PLCB1: variants seen among roughly 807,000 people sequenced by gnomAD.
PLCB1 encodes the protein 1-phosphatidylinositol 4,5-bisphosphate phosphodiesterase beta-1.
Under a neutral mutation model 161.8 loss-of-function variants are expected in PLCB1, and 46 were observed. The ratio of observed to expected loss-of-function variants is 0.28; its 90% CI spans 0.22 to 0.36. The LOEUF is 0.36. Ranked by LOEUF, PLCB1 falls within the 10% of genes least tolerant of loss-of-function variation. The pLI, the probability that PLCB1 is intolerant of heterozygous loss-of-function variation, is 1.00. For synonymous variants in PLCB1, 517 were observed against 503.7 expected (o/e 1.03, Z -0.35); for missense variants, 1,016 against 1,472.5 (o/e 0.69, Z 5.07).
At chr20:8,793,614 G>A (rs1435306660) in intron 31 of PLCB1, among the ~76,000 whole-genome samples, 1 of 152,164 alleles carries the variant, frequency 6.6e-6, no homozygotes, top group Non-Finnish European at 1.5e-5. Flanking sequence ...GTGCAAATAG[G>A]TGTGGGTGAC....
intron 27 of PLCB1, among the ~76,000 whole-genome samples, chr20:8,779,507 CAAAAAAAAAAAAAAAA>C (rs373073139): frequency 2.9e-5 from 3 of 102,512 alleles, no homozygotes; most frequent in Admixed American, 1.1e-4. Context: ...CACTTTTGTG[CAAAAAAAAAAAAAAAA>C]AAAAAAAAAA....
intron 31 of PLCB1, among the ~76,000 whole-genome samples, chr20:8,858,127 C>T (rs1020852006): frequency 8.6e-5 from 13 of 151,870 alleles, no homozygotes; most frequent in Admixed American, 1.3e-4. Context: ...TACTTGAGGC[C>T]TATTTAGCCA....
Position 8,684,982 on chromosome 20 carries a change from G to C in PLCB1, c.913G>C (p.Gly305Arg). The change falls in exon 10 of 32, where the codon GGA (glycine) becomes CGA (arginine). Residue 305 changes from glycine to arginine, a missense_variant. Around this residue, in one of 10 missense-constraint regions of PLCB1, gnomAD observed 117 missense variants for 142.2 expected, o/e 0.82. Transcript: ENST00000338037. ...FMRYLSGEENGVVSPEKLDLN... is the reference protein window; with the variant it reads ...FMRYLSGEENRVVSPEKLDLN... ...GCGCTATCTGAGTGGAGAAGAAAACGGAGTCGTTTCACCTGAGAAACTGGA... is the reference window on the plus strand; with the variant it reads ...GCGCTATCTGAGTGGAGAAGAAAACCGAGTCGTTTCACCTGAGAAACTGGA... The C allele has an allele frequency of 6.2e-7, 1 of 1,613,524 alleles. No individual in the cohort carries two copies. Among genetic ancestry groups the C allele is most frequent in the Non-Finnish European group, 8.5e-7 (1 of 1,179,494 alleles).
At chr20:8,805,553 C>G (rs1465028630) in intron 31 of PLCB1, among the ~76,000 whole-genome samples, 1 of 152,200 alleles carries the variant, frequency 6.6e-6, no homozygotes, top group Admixed American at 6.5e-5. Context: ...AAATATTTTT[C>G]TGACACATAA....
intron 2 of PLCB1, among the ~76,000 whole-genome samples, chr20:8,260,823 G>A (rs575396867): frequency 2.6e-4 from 39 of 152,062 alleles, no homozygotes; most frequent in South Asian, 4.1e-4. Flanking sequence ...AAGCTGCTGC[G>A]GGTACCAGTT....
At chr20:8,503,063 T>G (rs1044806304) in intron 3 of PLCB1, among the ~76,000 whole-genome samples, 1 of 152,168 alleles carries the variant, frequency 6.6e-6, no homozygotes, top group Non-Finnish European at 1.5e-5. Flanking sequence ...TTGACCTTTA[T>G]CTGGACAATG....
chr20:8,273,268 T>C (rs1234177463), intron 2 of PLCB1, among the ~76,000 whole-genome samples: 2 of 152,220 alleles, frequency 1.3e-5, no homozygotes, highest in Non-Finnish European at 2.9e-5. Context: ...TATGTAACCG[T>C]CATTTTATGA....
At chr20:8,408,947 A>G (rs894383211) in intron 3 of PLCB1, among the ~76,000 whole-genome samples, 1 of 152,212 alleles carries the variant, frequency 6.6e-6, no homozygotes, top group Non-Finnish European at 1.5e-5. Flanking sequence ...GGGCTCTACA[A>G]TCCAAAATAT....
chr20:8,204,185 C>A (rs1323073897), intron 2 of PLCB1, among the ~76,000 whole-genome samples: 2 of 151,904 alleles, frequency 1.3e-5, no homozygotes, highest in African/African-American at 4.8e-5. Flanking sequence ...ATACGTAGTC[C>A]GGTGTCATGA....
At chr20:8,472,243 G>T (rs1218741849) in intron 3 of PLCB1, among the ~76,000 whole-genome samples, 1 of 152,068 alleles carries the variant, frequency 6.6e-6, no homozygotes, top group African/African-American at 2.4e-5. Flanking sequence ...GGAGTTTTTT[G>T]GGGGCCAAAT....
In PLCB1 at chr20:8,765,281, G is replaced by C. The variant is rs202226833; in HGVS notation, c.2853G>C (p.Lys951Asn). ...ACCTTATCAAAGAACACACTACCAAGTATAATGAAATTCAGAATGACTACT... is the reference window on the plus strand; with the variant it reads ...ACCTTATCAAAGAACACACTACCAACTATAATGAAATTCAGAATGACTACT... ...TTDLIKEHTT[K>N]YNEIQNDYLR... Residue 951 changes from lysine to asparagine, a missense_variant, in exon 26 of 32, where the codon AAG (lysine) becomes AAC (asparagine). Lys to Asn is a moderately conservative substitution (Grantham distance 94). Around this residue, in one of 10 missense-constraint regions of PLCB1, gnomAD observed 398 missense variants for 445.4 expected, o/e 0.89. Coordinates refer to ENST00000338037, the MANE Select transcript of PLCB1 (RefSeq NM_015192.4). The C allele has an allele frequency of 5.0e-6, 8 of 1,614,116 alleles. No individual in the cohort carries two copies. The African/African-American group carries it at 1.1e-4, about 22-fold the overall frequency.
At chr20:8,317,776 T>C (rs1984726246) in intron 2 of PLCB1, among the ~76,000 whole-genome samples, 1 of 152,098 alleles carries the variant, frequency 6.6e-6, no homozygotes. Context: ...TAATAAGGTT[T>C]TTGTCTATTT....
rs562594758 is a variant in PLCB1 at position 8,741,384 on chromosome 20, A to G, written c.2414-80A>G. On this transcript the variant is annotated intron_variant, in intron 22 of 31. Coordinates refer to ENST00000338037, the MANE Select transcript of PLCB1 (RefSeq NM_015192.4). ...TGAATGAATGCATGGACTGATGGTC[A>G]GATAGATGAGTAAGTAGATGAATGA... 1.5e-4 allele frequency: 137 copies of G among 909,334 alleles called. No homozygotes were observed. The African/African-American group carries it at 2.1e-3, about 14-fold the overall frequency. 56.3% of individuals were successfully genotyped at this position (909,334 alleles called of 1,614,324 possible). A position where few individuals can be genotyped will look rare whatever the true frequency, so the allele number is the denominator to read the frequency against.
chr20:8,264,310 A>G (rs1053479972), intron 2 of PLCB1, among the ~76,000 whole-genome samples: 5 of 152,150 alleles, frequency 3.3e-5, no homozygotes, highest in African/African-American at 1.2e-4. Flanking sequence ...GTCACCTCAT[A>G]TGATAGCAAT....
At chr20:8,304,352 C>G (rs1221065248) in intron 2 of PLCB1, among the ~76,000 whole-genome samples, 2 of 152,044 alleles carry the variant, frequency 1.3e-5, no homozygotes, top group African/African-American at 4.8e-5. Context: ...GCTGCTTGAA[C>G]TCCTCTTGTG....
intron 10 of PLCB1, among the ~76,000 whole-genome samples, chr20:8,685,308 A>G (rs1990333699): frequency 1.2e-5 from 1 of 82,416 alleles, no homozygotes; most frequent in Admixed American, 1.0e-4. Context: ...TAAGTCTTCT[A>G]AAATGCAACC....
intron 2 of PLCB1, among the ~76,000 whole-genome samples, chr20:8,352,024 CA>C (rs1986196659): frequency 6.6e-6 from 1 of 152,014 alleles, no homozygotes; most frequent in Non-Finnish European, 1.5e-5. Flanking sequence ...TTATGTCCCA[CA>C]AAAACCTGCA....
intron 31 of PLCB1, among the ~76,000 whole-genome samples, chr20:8,862,659 C>T (rs6086661): frequency 0.28 from 43,112 of 151,966 alleles, 7,402 homozygotes; most frequent in East Asian, 0.65. Flanking sequence ...GATAGATCTC[C>T]AGCCCAAACA....
intron 2 of PLCB1, among the ~76,000 whole-genome samples, chr20:8,286,185 G>A (rs559037009): frequency 4.6e-5 from 7 of 152,260 alleles, no homozygotes; most frequent in South Asian, 4.2e-4. Context: ...TTTGCCGGGC[G>A]TGGTAGCATA....
Sources: allele counts gnomAD v4.1 joint callset (sites outside exome capture counted in the v4.1 genomes callset), GRCh38; gene constraint gnomAD v4.1.1; regional missense constraint gnomAD v4.1.1; transcripts MANE v1.5; gene names NCBI Gene and HGNC (gene_info 2026-07-23, HGNC 2026-07-21).